PCDHGA4: variants seen among roughly 807,000 people sequenced by gnomAD.
PCDHGA4 encodes the protein protocadherin gamma-A4.
A neutral mutation model predicts 54.6 loss-of-function variants in PCDHGA4; 38 were observed. The observed-to-expected ratio is 0.70, with a 90% CI of 0.54 to 0.91. PCDHGA4 has a LOEUF of 0.91. PCDHGA4 is among the 40% of genes least tolerant of loss of function. The probability of loss-of-function intolerance (pLI) is 0.00; values close to 1 mark genes in which losing one functional copy is unlikely to be tolerated. For synonymous variants in PCDHGA4, 511 were observed against 512.9 expected (o/e 1.00, Z 0.05); for missense variants, 1,298 against 1,220.9 (o/e 1.06, Z -0.94).
chr5:141,383,570 G>A, intron 1 of PCDHGA4: 1 of 1,613,234 alleles, frequency 6.2e-7, no homozygotes, highest in Non-Finnish European at 8.5e-7. Flanking sequence ...CCCCGATCCA[G>A]CACCGCCCAC....
chr5:141,414,348 G>A (rs1390188717), intron 1 of PCDHGA4: 1 of 1,613,818 alleles, frequency 6.2e-7, no homozygotes, highest in South Asian at 1.1e-5. Flanking sequence ...GTTCCATTTT[G>A]GCGTATCTAC....
chr5:141,410,311 C>T lies in PCDHGA4; in HGVS notation c.2514+52690C>T, dbSNP rs867067555. On this transcript the variant is annotated intron_variant, in intron 1 of 3. Coordinates refer to ENST00000571252, the MANE Select transcript of PCDHGA4 (RefSeq NM_018917.4). ...CCTTGGCCTTAATCTCAGTGCTCTT[C>T]CTCCTCGCCGTGATTCTGGCCATTG... 4 of 1,613,936 alleles carry T rather than the reference C, an allele frequency of 2.5e-6. No homozygotes were observed. In the African/African-American group the frequency reaches 5.3e-5, roughly 22 times the overall value.
At chr5:141,422,181 G>A in intron 1 of PCDHGA4, 3 of 1,561,316 alleles carry the variant, frequency 1.9e-6, no homozygotes, top group Non-Finnish European at 2.6e-6. Flanking sequence ...TCTATGAGAT[G>A]GAAATTCAAG....
chr5:141,479,733 A>G (rs2099504879), intron 1 of PCDHGA4: 1 of 152,254 alleles, frequency 6.6e-6, no homozygotes, highest in Admixed American at 6.5e-5. Context: ...TTTCTTAAGT[A>G]TATGCACAAT....
At chr5:141,376,649 A>T in intron 1 of PCDHGA4, 1 of 978,990 alleles carries the variant, frequency 1.0e-6, no homozygotes, top group Non-Finnish European at 1.5e-6. Flanking sequence ...GTAAAGTGGA[A>T]GACTCCCTTG....
At position 141,433,110 on chromosome 5, in the gene PCDHGA4, G is replaced by A. The variant is rs1031253372; in HGVS notation, c.2515-61697G>A. On this transcript the variant is annotated intron_variant, in intron 1 of 3. Coordinates refer to ENST00000571252, the MANE Select transcript of PCDHGA4 (RefSeq NM_018917.4). Reference sequence around the variant, plus strand: ...GCAGACATGCTCGTCAGCCAGGAGAGCTTTGAAAAAAGCGAGCCCCTTTTG... The same window carrying A: ...GCAGACATGCTCGTCAGCCAGGAGAACTTTGAAAAAAGCGAGCCCCTTTTG... 3.1e-6 allele frequency: 5 copies of A among 1,613,982 alleles called. No homozygotes were observed. The African/African-American group carries it at 5.3e-5, about 17-fold the overall frequency.
chr5:141,490,945 C>T lies in PCDHGA4; in HGVS notation c.2515-3862C>T, dbSNP rs2099706308. On this transcript the variant is annotated intron_variant, in intron 1 of 3. Transcript: ENST00000571252. This position sits in a 1 kb window ranked among gnomAD's most constrained non-coding sequence, Gnocchi z 5.4. ...TGCCCCAGCTGTGCTGCACCCACGG[C>T]CAGACTGGGAACACTCAGCCCCCCA... The T allele has an allele frequency of 6.2e-7, 1 of 1,613,434 alleles. No homozygotes were observed. Among genetic ancestry groups the T allele is most frequent in the South Asian group, 1.1e-5 (1 of 91,010 alleles).
Position 141,431,354 on chromosome 5 carries a change from G to A in PCDHGA4, c.2515-63453G>A, listed in dbSNP as rs777198567. On this transcript the variant is annotated intron_variant, in intron 1 of 3. Coordinates refer to ENST00000571252, the MANE Select transcript of PCDHGA4 (RefSeq NM_018917.4). This position sits in a 1 kb window ranked among gnomAD's most constrained non-coding sequence, Gnocchi z 4.8. ...GTACCCCGAATTGGTGCTGAAACGC[G>A]CCCTGGACCGCGAAGAAAAGGCTGC... is the stretch of plus-strand genomic sequence containing the variant. 1 of 1,614,036 alleles carries A rather than the reference G, an allele frequency of 6.2e-7. No homozygotes were observed. Among genetic ancestry groups the A allele is most frequent in the South Asian group, 1.1e-5 (1 of 91,086 alleles).
intron 1 of PCDHGA4, chr5:141,478,217 G>A: frequency 2.5e-6 from 4 of 1,614,094 alleles, no homozygotes. Flanking sequence ...TCTAATCCTG[G>A]TTTCTGTGGG....
intron 1 of PCDHGA4, among the ~76,000 whole-genome samples, chr5:141,400,831 C>CT (rs1457237248): frequency 1.3e-5 from 2 of 152,146 alleles, no homozygotes; most frequent in Admixed American, 6.5e-5. Flanking sequence ...TTGTCTCATT[C>CT]TTTAACATGT....
chr5:141,432,336 G>A lies in PCDHGA4; in HGVS notation c.2515-62471G>A. On this transcript the variant is annotated intron_variant, in intron 1 of 3. Coordinates refer to ENST00000571252, the MANE Select transcript of PCDHGA4 (RefSeq NM_018917.4). The surrounding 1 kb of genome is among the most constrained non-coding windows in gnomAD (Gnocchi z 6.0). ...AGCTCCTTCGACTACGAGCAGTTCC[G>A]AGACTTGCAAGTGAAAGTGATGGCG... 1.2e-6 allele frequency: 2 copies of A among 1,614,250 alleles called. No homozygotes were observed. The highest frequency in any genetic ancestry group is 1.7e-6 in the Non-Finnish European group (2 of 1,180,040).
intron 1 of PCDHGA4, among the ~76,000 whole-genome samples, chr5:141,369,166 G>C (rs1766070013): frequency 6.6e-6 from 1 of 152,148 alleles, no homozygotes; most frequent in African/African-American, 2.4e-5. Context: ...AGGGAAAAGT[G>C]TAAATAACAA....
intron 1 of PCDHGA4, chr5:141,399,540 C>T (rs775910113): frequency 9.3e-6 from 15 of 1,614,052 alleles, no homozygotes; most frequent in Non-Finnish European, 1.3e-5. Context: ...CGCAAGTCTG[C>T]GCCTCGGACC....
intron 1 of PCDHGA4, chr5:141,422,547 G>C: frequency 1.9e-6 from 3 of 1,613,938 alleles, no homozygotes; most frequent in Non-Finnish European, 2.5e-6. Context: ...CTCATGTCTG[G>C]CTGAATGTGG....
intron 1 of PCDHGA4, chr5:141,395,873 G>A (rs1430280971): frequency 6.6e-6 from 1 of 152,046 alleles, no homozygotes; most frequent in Non-Finnish European, 1.5e-5. Flanking sequence ...TTAAGTATGT[G>A]AGTCAGTGGT....
chr5:141,460,498 T>C (rs1028506755), intron 1 of PCDHGA4, among the ~76,000 whole-genome samples: 3 of 152,184 alleles, frequency 2.0e-5, no homozygotes, highest in African/African-American at 7.2e-5. Context: ...TGGAAAAATA[T>C]GCTGAGAAGG....
In PCDHGA4 at chr5:141,432,006, C is replaced by T. The variant is rs138689793; in HGVS notation, c.2515-62801C>T. Reference sequence around the variant, plus strand: ...ATAGTCTTGGATAGGGAACAGGTTCCTAGCTACAACATCACAGTGACCGCC... The same window carrying T: ...ATAGTCTTGGATAGGGAACAGGTTCTTAGCTACAACATCACAGTGACCGCC... On this transcript the variant is annotated intron_variant, in intron 1 of 3. Transcript: ENST00000571252. This position sits in a 1 kb window ranked among gnomAD's most constrained non-coding sequence, Gnocchi z 6.0. The T allele has an allele frequency of 2.6e-4, 412 of 1,614,186 alleles. 2 individuals carry two copies. The African/African-American group carries it at 4.6e-3, about 18-fold the overall frequency.
chr5:141,399,002 C>A (rs1415503184), intron 1 of PCDHGA4: 2 of 1,613,830 alleles, frequency 1.2e-6, no homozygotes, highest in South Asian at 2.2e-5. Flanking sequence ...AGTCTGAATT[C>A]AAAGAGCGGA....
chr5:141,490,257 T>C lies in PCDHGA4; in HGVS notation c.2515-4550T>C, dbSNP rs2099697852. On this transcript the variant is annotated intron_variant, in intron 1 of 3. Coordinates refer to ENST00000571252, the MANE Select transcript of PCDHGA4 (RefSeq NM_018917.4). The surrounding 1 kb of genome is among the most constrained non-coding windows in gnomAD (Gnocchi z 5.4). ...AGGGCCACTGTGTGATTCAAGTGGATGTGGGGGATGTCAATGACAATGCCC... is the reference window on the plus strand; with the variant it reads ...AGGGCCACTGTGTGATTCAAGTGGACGTGGGGGATGTCAATGACAATGCCC... The C allele has an allele frequency of 6.2e-7, 1 of 1,614,208 alleles. No individual in the cohort carries two copies. Among genetic ancestry groups the C allele is most frequent in the South Asian group, 1.1e-5 (1 of 91,078 alleles).
Sources: allele counts gnomAD v4.1 joint callset (sites outside exome capture counted in the v4.1 genomes callset), GRCh38; gene constraint gnomAD v4.1.1; non-coding constraint Gnocchi (gnomAD v3.1); transcripts MANE v1.5; gene names NCBI Gene and HGNC (gene_info 2026-07-23, HGNC 2026-07-21).